FANCL: variants seen among roughly 807,000 people sequenced by gnomAD.
FANCL encodes FA complementation group L.
A neutral mutation model predicts 59.4 loss-of-function variants in FANCL; 69 were observed. The observed-to-expected ratio is 1.16, with a 90% CI of 0.96 to 1.42. The LOEUF (loss-of-function observed/expected upper bound fraction) is 1.42, where lower values mean the gene tolerates loss of function less well. FANCL is among the 40% of genes most tolerant of loss of function. FANCL has a pLI of 0.00. For missense variants in FANCL, 519 were observed against 447.2 expected (o/e 1.16, Z -1.45); for synonymous variants, 180 against 147.1 (o/e 1.22, Z -1.62).
intron 5 of FANCL, among the ~76,000 whole-genome samples, chr2:58,213,069 A>G (rs2105215573): frequency 6.6e-6 from 1 of 152,310 alleles, no homozygotes. Context: ...TCTAACAAGG[A>G]TTTTTCTGTA....
At chr2:58,228,467 T>C (rs916853883) in intron 3 of FANCL, among the ~76,000 whole-genome samples, 24 of 152,190 alleles carry the variant, frequency 1.6e-4, no homozygotes, top group African/African-American at 5.5e-4. Flanking sequence ...GTCTGGAAAC[T>C]AAAGTCCAGA....
intron 4 of FANCL, among the ~76,000 whole-genome samples, chr2:58,226,354 A>G (rs1409915437): frequency 6.6e-6 from 1 of 152,224 alleles, no homozygotes; most frequent in African/African-American, 2.4e-5. Flanking sequence ...TAAGTTTTTC[A>G]GATATCTGTA....
At chr2:58,237,111 A>T (rs976853271) in intron 1 of FANCL, among the ~76,000 whole-genome samples, 2 of 152,116 alleles carry the variant, frequency 1.3e-5, no homozygotes, top group Non-Finnish European at 2.9e-5. Flanking sequence ...TAGCACTCTG[A>T]ACCAATTTGA....
intron 7 of FANCL, among the ~76,000 whole-genome samples, chr2:58,195,866 C>A (rs1689376631): frequency 6.6e-6 from 1 of 151,900 alleles, no homozygotes; most frequent in Non-Finnish European, 1.5e-5. Flanking sequence ...ACTGCGTAAC[C>A]CCAAAGAGGC....
chr2:58,198,540 T>A, intron 7 of FANCL, 54 bp downstream of exon 7: 1 of 1,465,630 alleles, frequency 6.8e-7, no homozygotes, highest in Non-Finnish European at 9.6e-7. Context: ...CTGGGACAAC[T>A]GTACTTTTTA....
chr2:58,189,319 G>T (rs925732928), intron 7 of FANCL, among the ~76,000 whole-genome samples: 1 of 122,128 alleles, frequency 8.2e-6, no homozygotes, highest in African/African-American at 3.1e-5. Context: ...GAACAGTAAT[G>T]GATCTACACA....
At chr2:58,226,624 G>T in intron 4 of FANCL, 104 bp downstream of exon 4, 1 of 852,984 alleles carries the variant, frequency 1.2e-6, no homozygotes, top group Non-Finnish European at 1.9e-6. Flanking sequence ...ATGACTGAGA[G>T]TTAAGAAGAC....
At chr2:58,163,147 A>C in intron 9 of FANCL, 73 bp from the exon 10 acceptor site, 1 of 1,296,328 alleles carries the variant, frequency 7.7e-7, no homozygotes, top group Non-Finnish European at 1.1e-6. Context: ...TTTGATACAG[A>C]ATGTTTCTTA....
intron 2 of FANCL, 59 bp downstream of exon 2, chr2:58,231,995 T>A: frequency 7.2e-7 from 1 of 1,381,788 alleles, no homozygotes; most frequent in Non-Finnish European, 1.0e-6. Flanking sequence ...TTATACCAAA[T>A]GTACTGCCTG....
At chr2:58,175,426 G>A (rs1314380036) in intron 7 of FANCL, among the ~76,000 whole-genome samples, 4 of 147,518 alleles carry the variant, frequency 2.7e-5, no homozygotes, top group African/African-American at 5.4e-5. Context: ...CATCAAAAAC[G>A]TTATCCACCA....
At chr2:58,235,138 G>A (rs1429865821) in intron 1 of FANCL, among the ~76,000 whole-genome samples, 1 of 151,798 alleles carries the variant, frequency 6.6e-6, no homozygotes, top group Non-Finnish European at 1.5e-5. Context: ...CAATTCGCAA[G>A]GTATAGTACC....
intron 1 of FANCL, 62 bp downstream of exon 1, chr2:58,241,156 T>A: frequency 6.3e-7 from 1 of 1,576,648 alleles, no homozygotes; most frequent in Non-Finnish European, 8.7e-7. Context: ...CGTCACAGAC[T>A]TCTCCGCGCA....
At chr2:58,203,401 G>C (rs1335270654) in intron 6 of FANCL, among the ~76,000 whole-genome samples, 2 of 150,922 alleles carry the variant, frequency 1.3e-5, no homozygotes, top group Non-Finnish European at 3.0e-5. Context: ...TTGACTCCAA[G>C]AATAATTAAA....
intron 6 of FANCL, among the ~76,000 whole-genome samples, chr2:58,199,025 T>A (rs1325738140): frequency 2.3e-5 from 3 of 131,906 alleles, no homozygotes; most frequent in South Asian, 2.3e-4. Context: ...TGAATCTCCA[T>A]CTCAAAAAAA....
At chr2:58,181,328 T>C (rs948838280) in intron 7 of FANCL, among the ~76,000 whole-genome samples, 2 of 152,064 alleles carry the variant, frequency 1.3e-5, no homozygotes, top group Non-Finnish European at 2.9e-5. Context: ...CCTCTGTTTA[T>C]AATATCTGGA....
At chr2:58,179,261 A>C (rs1382302095) in intron 7 of FANCL, among the ~76,000 whole-genome samples, 3 of 152,210 alleles carry the variant, frequency 2.0e-5, no homozygotes, top group African/African-American at 7.2e-5. Flanking sequence ...ACCAATAAAG[A>C]GCCCATATAG....
chr2:58,185,450 T>G (rs1688308799), intron 7 of FANCL, among the ~76,000 whole-genome samples: 1 of 152,152 alleles, frequency 6.6e-6, no homozygotes, highest in South Asian at 2.1e-4. Flanking sequence ...ATCTGACATT[T>G]AAACCTTGAG....
At chr2:58,168,964 T>C (rs1483624323) in intron 7 of FANCL, among the ~76,000 whole-genome samples, 1 of 152,042 alleles carries the variant, frequency 6.6e-6, no homozygotes, top group Non-Finnish European at 1.5e-5. Context: ...GGCTTATAGA[T>C]AAAACTCCCA....
intron 1 of FANCL, among the ~76,000 whole-genome samples, chr2:58,236,418 C>A: frequency 6.7e-6 from 1 of 150,288 alleles, no homozygotes; most frequent in African/African-American, 2.4e-5. Flanking sequence ...TAAGGCAGAC[C>A]ATGATAGATT....
Sources: allele counts gnomAD v4.1 joint callset (sites outside exome capture counted in the v4.1 genomes callset), GRCh38; gene constraint gnomAD v4.1.1; transcripts MANE v1.5; gene names NCBI Gene and HGNC (gene_info 2026-07-23, HGNC 2026-07-21).